Variants in IPO5 observed in about 807,000 individuals in gnomAD.
IPO5 encodes the protein importin 5.
In IPO5, 18 loss-of-function variants were observed where a neutral mutation model predicts 143.3. The observed-to-expected ratio is 0.13, with a 90% confidence interval of 0.09 to 0.19. The LOEUF (loss-of-function observed/expected upper bound fraction) is 0.19. Among genes scored for constraint, IPO5 ranks in the 10% least tolerant of loss-of-function variants. The pLI is 1.00. For synonymous variants in IPO5, 477 were observed against 465.7 expected (o/e 1.02, Z -0.31); for missense variants, 1,013 against 1,336.9 (o/e 0.76, Z 3.78).
intron 11 of IPO5, 96 bp downstream of exon 11, chr13:97,993,321 A>G (rs1169307733): frequency 5.8e-6 from 6 of 1,028,250 alleles, no homozygotes; most frequent in South Asian, 1.5e-5. Flanking sequence ...TGTTGAGAAT[A>G]TAATGAATAT....
At chr13:97,955,139 G>A (rs544232736) in intron 2 of IPO5, among the ~76,000 whole-genome samples, 19 of 152,054 alleles carry the variant, frequency 1.2e-4, no homozygotes, top group Non-Finnish European at 2.1e-4. Context: ...TGAGGTGAGA[G>A]GATTCCTTGA....
At chr13:98,014,338 C>T (rs565586766) in intron 22 of IPO5, 124 bp downstream of exon 22, 80 of 638,462 alleles carry the variant, frequency 1.3e-4, no homozygotes, top group Non-Finnish European at 1.8e-4. Context: ...AGTGCAGTGG[C>T]GCAATCGCAG....
chr13:98,002,622 G>T, intron 14 of IPO5, 31 bp downstream of exon 14: 4 of 1,610,472 alleles, frequency 2.5e-6, no homozygotes, highest in Non-Finnish European at 2.5e-6. Flanking sequence ...GATTCAAAAT[G>T]ATTAGTGTAG....
intron 20 of IPO5, 104 bp from the exon 21 acceptor site, chr13:98,012,142 G>T: frequency 1.4e-6 from 1 of 704,608 alleles, no homozygotes. Context: ...TGTAGTTCTA[G>T]TCAAAATACA....
chr13:98,001,144 G>C (rs1248389259), intron 13 of IPO5, among the ~76,000 whole-genome samples: 2 of 152,202 alleles, frequency 1.3e-5, no homozygotes, highest in Admixed American at 1.3e-4. Flanking sequence ...AGAGTGCTTA[G>C]ATTATAGGCA....
At chr13:97,962,615 G>A (rs1433915255) in intron 2 of IPO5, among the ~76,000 whole-genome samples, 1 of 152,010 alleles carries the variant, frequency 6.6e-6, no homozygotes, top group Non-Finnish European at 1.5e-5. Flanking sequence ...TCAGGAGTTC[G>A]AGACCAGCCT....
At chr13:97,987,971 A>G (rs778978737) in intron 6 of IPO5, 19 of 286,220 alleles carry the variant, frequency 6.6e-5, no homozygotes, top group Admixed American at 3.4e-5. Context: ...TTAAGCTGCT[A>G]TTTTATTTCC....
At chr13:97,954,835 T>G (rs997990064) in intron 2 of IPO5, among the ~76,000 whole-genome samples, 1 of 152,194 alleles carries the variant, frequency 6.6e-6, no homozygotes, top group Non-Finnish European at 1.5e-5. Context: ...TGATGGAACC[T>G]CAAAGACACT....
intron 2 of IPO5, among the ~76,000 whole-genome samples, chr13:97,968,514 C>G (rs996509339): frequency 6.6e-6 from 1 of 152,106 alleles, no homozygotes; most frequent in African/African-American, 2.4e-5. Context: ...TCTATTTCTC[C>G]CTTAATTCTG....
rs543467818 is a variant in IPO5, at chr13:98,022,966, C to G, written c.*1144C>G. The stretch of plus-strand genomic sequence containing the variant: ...TTTTCTAAGGCATCTTAATAGACTT[C>G]TGTTGAAAACTTCAGTGTTAACATT... On this transcript the variant is annotated 3_prime_UTR_variant, in exon 29 of 29. Transcript: ENST00000651721. 1 of 152,736 alleles carries G rather than the reference C, an allele frequency of 6.5e-6. No individual in the cohort carries two copies. The highest frequency in any genetic ancestry group is 1.5e-5 in the Non-Finnish European group (1 of 68,030). 9.5% of individuals were successfully genotyped at this position (152,736 alleles called of 1,614,324 possible). A position where few individuals can be genotyped will look rare whatever the true frequency, so the allele number is the denominator to read the frequency against.
chr13:98,002,725 G>C lies in IPO5; in HGVS notation c.1275G>C (p.Gln425His). ...VRYAACNAVG[Q>H]MATDFAPGFQ... is the part of the protein sequence containing the mutation. The stretch of plus-strand genomic sequence containing the variant: ...ATGCAGCCTGTAATGCCGTGGGACA[G>C]ATGGCTACAGATTTTGCACCTGGTT... Residue 425 changes from glutamine (Q) to histidine (H), a missense_variant, in exon 15 of 29, where the codon CAG (glutamine) becomes CAC (histidine). This residue lies in a region of IPO5 where 685 missense variants were observed against 994.9 expected (regional missense o/e 0.69). Coordinates refer to ENST00000651721, the MANE Select transcript of IPO5 (RefSeq NM_002271.6). 1 of 1,612,606 alleles carries C rather than the reference G, an allele frequency of 6.2e-7. No homozygotes were observed. The highest frequency in any genetic ancestry group is 8.5e-7 in the Non-Finnish European group (1 of 1,179,440).
chr13:97,957,486 G>A (rs1475345779), intron 2 of IPO5, among the ~76,000 whole-genome samples: 2 of 151,996 alleles, frequency 1.3e-5, no homozygotes, highest in Non-Finnish European at 2.9e-5. Context: ...ATGAGCCACC[G>A]CACTCAGCCT....
At chr13:97,969,969 G>T in intron 3 of IPO5, 139 bp downstream of exon 3, 1 of 652,898 alleles carries the variant, frequency 1.5e-6, no homozygotes, top group South Asian at 1.9e-5. Context: ...AAAGTGCTGG[G>T]ATTACAGGCG....
chr13:97,995,926 A>G (rs1423765914), intron 11 of IPO5, among the ~76,000 whole-genome samples: 1 of 152,224 alleles, frequency 6.6e-6, no homozygotes, highest in Non-Finnish European at 1.5e-5. Context: ...ATTGATGTAA[A>G]CATTGCCAAA....
In IPO5 at chr13:98,010,036, A is replaced by G. The variant is rs372797449; in HGVS notation, c.1933+23A>G. 8.1e-6 allele frequency: 13 copies of G among 1,613,548 alleles called. No individual in the cohort carries two copies. In the South Asian group the frequency reaches 9.9e-5, roughly 12 times the overall value. ...ATAGTAGGTGTCTTTAGAAGGAGCT[A>G]TCGGTTATAATAGTTCTCTCTTTGT... On this transcript the variant is annotated intron_variant, in intron 19 of 28. Transcript: ENST00000651721.
intron 16 of IPO5, among the ~76,000 whole-genome samples, chr13:98,004,357 A>G (rs1889042476): frequency 6.6e-6 from 1 of 152,246 alleles, no homozygotes; most frequent in African/African-American, 2.4e-5. Context: ...GCTCAGTATC[A>G]GATGACAGCA....
At chr13:98,012,363 A>G (rs751497597) in intron 21 of IPO5, 21 bp downstream of exon 21, 1 of 1,313,950 alleles carries the variant, frequency 7.6e-7, no homozygotes, top group Non-Finnish European at 1.1e-6. Context: ...ACTTCTGAAT[A>G]CAAAACATGT....
At chr13:97,997,667 C>T (rs759509828) in intron 12 of IPO5, 49 bp downstream of exon 12, 11 of 1,150,778 alleles carry the variant, frequency 9.6e-6, no homozygotes, top group African/African-American at 9.1e-5. Context: ...TAGGGCTCCA[C>T]GGTCCATCTC....
chr13:98,014,348 G>A (rs1355348465), intron 22 of IPO5, 134 bp downstream of exon 22: 2 of 589,186 alleles, frequency 3.4e-6, no homozygotes, highest in Non-Finnish European at 5.8e-6. Flanking sequence ...CGCAATCGCA[G>A]CTCACTGCAA....
Sources: gnomAD v4.1 joint callset for allele counts (sites outside exome capture counted in the v4.1 genomes callset) on GRCh38, gnomAD v4.1.1 for gene constraint, gnomAD v4.1.1 regional missense constraint, MANE v1.5 for transcripts, NCBI Gene and HGNC (gene_info 2026-07-23, HGNC 2026-07-21) for gene names.